Variants in UBR3 observed in about 807,000 individuals in gnomAD.
The protein encoded by UBR3 is ubiquitin protein ligase E3 component n-recognin 3, also known as E3 ubiquitin-protein ligase UBR3.
A neutral mutation model predicts 243.2 loss-of-function variants in UBR3; 85 were observed. That is an observed-to-expected ratio of 0.35 (90% CI 0.29 to 0.42). The LOEUF (loss-of-function observed/expected upper bound fraction) is 0.42, where lower values mean the gene tolerates loss of function less well. Ranked by LOEUF, UBR3 falls within the 10% of genes least tolerant of loss-of-function variation. UBR3 has a pLI of 1.00. For missense variants in UBR3, 1,686 were observed against 2,300.8 expected (o/e 0.73, Z 5.47); for synonymous variants, 748 against 799.8 (o/e 0.94, Z 1.09).
intron 13 of UBR3, 122 bp from the exon 14 acceptor site, chr2:169,925,497 T>G: frequency 3.0e-5 from 26 of 856,450 alleles, no homozygotes; most frequent in Non-Finnish European, 4.0e-5. Flanking sequence ...ATCTTTAACA[T>G]TGGACAGAAT....
chr2:169,940,051 T>C (rs1228710047), intron 19 of UBR3, among the ~76,000 whole-genome samples: 1 of 152,196 alleles, frequency 6.6e-6, no homozygotes, highest in Non-Finnish European at 1.5e-5. Context: ...TTACACAGTA[T>C]TTGAAGATAC....
Position 169,830,654 on chromosome 2 carries a change from T to C in UBR3, c.545+2602T>C, listed in dbSNP as rs540692946. Among the ~76,000 whole-genome samples the C allele has an allele frequency of 4.5e-4, 19 of 41,818 alleles. No homozygotes were observed. The East Asian group carries it at 0.013, about 29-fold the overall frequency. The allele number at this position is 41,818 out of a possible 152,430, so 27.4% of individuals were successfully genotyped here. On this transcript the variant is annotated intron_variant, in intron 1 of 38. Transcript: ENST00000272793. ...TTCTTTTCAATTCTATGTTTTATCT[T>C]TTTTTTTTTCCTTAATATGCTATTC...
At chr2:169,876,423 A>G (rs1419844756) in intron 3 of UBR3, among the ~76,000 whole-genome samples, 3 of 152,176 alleles carry the variant, frequency 2.0e-5, no homozygotes, top group African/African-American at 7.2e-5. Flanking sequence ...AGCCCTAGGA[A>G]AATGAAATGG....
chr2:169,937,017 A>G (rs1414965783), intron 19 of UBR3, among the ~76,000 whole-genome samples: 8 of 152,222 alleles, frequency 5.3e-5, no homozygotes, highest in African/African-American at 1.9e-4. Flanking sequence ...CATGATTTAT[A>G]ACCCTTTGGG....
intron 1 of UBR3, among the ~76,000 whole-genome samples, chr2:169,846,127 C>G (rs1000304141): frequency 6.6e-6 from 1 of 151,998 alleles, no homozygotes; most frequent in Admixed American, 6.6e-5. Context: ...TTTCTGTCTG[C>G]TTGTTTTCTT....
chr2:169,891,041 G>A, intron 5 of UBR3, 124 bp from the exon 6 acceptor site: 1 of 539,052 alleles, frequency 1.9e-6, no homozygotes, highest in Non-Finnish European at 3.2e-6. Flanking sequence ...CAAATACATA[G>A]ATGTTGATTA....
chr2:170,022,277 T>C (rs1179853998), intron 30 of UBR3, among the ~76,000 whole-genome samples: 1 of 152,146 alleles, frequency 6.6e-6, no homozygotes, highest in African/African-American at 2.4e-5. Flanking sequence ...CAGAGAATTA[T>C]GGCATACTGT....
chr2:169,890,581 G>GTATA (rs1207236594), intron 5 of UBR3, among the ~76,000 whole-genome samples: 24 of 96,466 alleles, frequency 2.5e-4, no homozygotes, highest in South Asian at 7.3e-4. Context: ...ATATATATAT[G>GTATA]TATATATATA....
chr2:170,018,263 T>C (rs1056006953), intron 30 of UBR3, among the ~76,000 whole-genome samples: 11 of 152,214 alleles, frequency 7.2e-5, no homozygotes, highest in African/African-American at 2.7e-4. Context: ...TGTTTTTGTT[T>C]TGAGCCATCT....
At chr2:169,971,607 C>G (rs1432434644) in intron 24 of UBR3, among the ~76,000 whole-genome samples, 7 of 151,914 alleles carry the variant, frequency 4.6e-5, no homozygotes, top group Admixed American at 3.3e-4. Context: ...GCTTGTTTTT[C>G]TCAGGTTTGT....
At chr2:169,830,782 G>T (rs540886934) in intron 1 of UBR3, among the ~76,000 whole-genome samples, 15 of 151,686 alleles carry the variant, frequency 9.9e-5, no homozygotes, top group Non-Finnish European at 2.1e-4. Flanking sequence ...CTGATATTTA[G>T]ACATTTTTAC....
intron 38 of UBR3, 129 bp downstream of exon 38, chr2:170,080,813 C>A: frequency 9.5e-7 from 1 of 1,048,926 alleles, no homozygotes; most frequent in Non-Finnish European, 1.3e-6. Flanking sequence ...TAATTTAGAG[C>A]TATTTCTAGT....
chr2:169,838,413 G>C (rs2082183399), intron 1 of UBR3, among the ~76,000 whole-genome samples: 1 of 147,986 alleles, frequency 6.8e-6, no homozygotes. Context: ...GTGTGTGTGT[G>C]TGTGTGTGTG....
At chr2:169,890,536 GAGAGAT>G (rs1197167324) in intron 5 of UBR3, among the ~76,000 whole-genome samples, 1 of 53,656 alleles carries the variant, frequency 1.9e-5, no homozygotes, top group Non-Finnish European at 3.4e-5. Context: ...GAGAGAGAGA[GAGAGAT>G]ATATATATAT....
At chr2:169,927,285 C>G in intron 16 of UBR3, 35 bp from the exon 17 acceptor site, 3 of 1,510,188 alleles carry the variant, frequency 2.0e-6, no homozygotes, top group Non-Finnish European at 2.7e-6. Flanking sequence ...TTTATGTATA[C>G]TCAGATTTGT....
rs562206968 is a variant in UBR3 at position 169,984,385 on chromosome 2, A to G, written c.3635-2260A>G. 6.6e-4 allele frequency among the ~76,000 whole-genome samples: 100 copies of G among 152,308 alleles called. No individual in the cohort carries two copies. In the Middle Eastern group the frequency reaches 0.017, roughly 26 times the overall value. ...AAATTGAGAAATAAAAATTACTAGC[A>G]TCCCATAAGCTCCCTTCATGGTCTC... On this transcript the variant is annotated intron_variant, in intron 24 of 38. Coordinates refer to ENST00000272793, the MANE Select transcript of UBR3 (RefSeq NM_172070.4).
At chr2:170,018,590 C>G (rs1055889476) in intron 30 of UBR3, among the ~76,000 whole-genome samples, 1 of 152,152 alleles carries the variant, frequency 6.6e-6, no homozygotes, top group African/African-American at 2.4e-5. Flanking sequence ...TTCGCTGATT[C>G]CAGCAGTGAA....
At chr2:170,006,737 G>A (rs777216250) in intron 27 of UBR3, among the ~76,000 whole-genome samples, 63 of 152,160 alleles carry the variant, frequency 4.1e-4, no homozygotes, top group Non-Finnish European at 8.2e-4. Flanking sequence ...TCACTTGAAA[G>A]TTTCATATTG....
At chr2:169,922,192 G>A (rs1459302889) in intron 11 of UBR3, among the ~76,000 whole-genome samples, 1 of 150,692 alleles carries the variant, frequency 6.6e-6, no homozygotes, top group Non-Finnish European at 1.5e-5. Context: ...GGGCCGAGGA[G>A]GGAGGATGAC....
Sources: gnomAD v4.1 joint callset for allele counts (sites outside exome capture counted in the v4.1 genomes callset) on GRCh38, gnomAD v4.1.1 for gene constraint, MANE v1.5 for transcripts, NCBI Gene and HGNC (gene_info 2026-07-23, HGNC 2026-07-21) for gene names.